Variants in PRELID3B observed in about 807,000 individuals in gnomAD.
PRELID3B encodes the protein PRELI domain containing 3B.
In PRELID3B, 15 loss-of-function variants were observed where a neutral mutation model predicts 24.0. The observed-to-expected ratio is 0.63, with a 90% CI of 0.42 to 0.96. The LOEUF (loss-of-function observed/expected upper bound fraction) is 0.96, where lower values mean the gene tolerates loss of function less well. PRELID3B is among the 40% of genes least tolerant of loss of function. The pLI, the probability that PRELID3B is intolerant of heterozygous loss-of-function variation, is 0.00. For missense variants in PRELID3B, 189 were observed against 236.0 expected (o/e 0.80, Z 1.30); for synonymous variants, 62 against 76.0 (o/e 0.82, Z 0.96).
At chr20:59,035,889 T>G (rs763453073) in intron 5 of PRELID3B, among the ~76,000 whole-genome samples, 5 of 152,200 alleles carry the variant, frequency 3.3e-5, no homozygotes, top group Non-Finnish European at 7.3e-5. Flanking sequence ...CCATGTGTTA[T>G]GTAACAGTGC....
chr20:59,034,810 A>G lies in PRELID3B; in HGVS notation c.*197T>C. 2.3e-6 allele frequency: 1 copy of G among 428,358 alleles called. No individual in the cohort carries two copies. The highest frequency in any genetic ancestry group is 3.5e-5 in the East Asian group (1 of 28,248). The allele number at this position is 428,358 out of a possible 1,614,324, so 26.5% of individuals were successfully genotyped here. ...CAAAATCAGATAGTAATTTCAAACA[A>G]CATTAATTTCAGATGATCCCTTTTA... On this transcript the variant is annotated 3_prime_UTR_variant, in exon 6 of 6. Coordinates refer to ENST00000355937, the MANE Select transcript of PRELID3B (RefSeq NM_016045.3).
chr20:59,034,909 A>AAAAAAAAC lies in PRELID3B; in HGVS notation c.*97_*98insGTTTTTTT. 3 of 1,087,008 alleles carry AAAAAAAAC rather than the reference A, an allele frequency of 2.8e-6. No individual in the cohort carries two copies. Among genetic ancestry groups the AAAAAAAAC allele is most frequent in the Non-Finnish European group, 2.4e-6 (2 of 823,642 alleles). 67.3% of individuals were successfully genotyped at this position (1,087,008 alleles called of 1,614,324 possible). A position where few individuals can be genotyped will look rare whatever the true frequency, so the allele number is the denominator to read the frequency against. ...ACTTATCAAAAAAAAAAAAAAAAAA[A>AAAAAAAAC]CTACCCAAAATATAGTTGTATTTTT... is the stretch of plus-strand genomic sequence containing the variant. On this transcript the variant is annotated 3_prime_UTR_variant, in exon 6 of 6. Transcript: ENST00000355937.
At chr20:59,038,937 G>A (rs375278219) in intron 1 of PRELID3B, among the ~76,000 whole-genome samples, 112 of 152,212 alleles carry the variant, frequency 7.4e-4, no homozygotes, top group South Asian at 1.4e-3. Flanking sequence ...ATTGTTTCTA[G>A]GAAGAACCAA....
Position 59,040,549 on chromosome 20 carries a change from C to T in PRELID3B, c.33-1915G>A, listed in dbSNP as rs2092103325. On this transcript the variant is annotated intron_variant, in intron 1 of 5. Coordinates refer to ENST00000355937, the MANE Select transcript of PRELID3B (RefSeq NM_016045.3). The surrounding 1 kb of genome is among the most constrained non-coding windows in gnomAD (Gnocchi z 4.1). ...TGAAGGAATCAATGAATGACTTCAC[C>T]TGGATGCCAACTATAGGCCTCAGAA... 6.6e-6 allele frequency among the ~76,000 whole-genome samples: 1 copy of T among 152,184 alleles called. No individual in the cohort carries two copies.
At position 59,037,155 on chromosome 20, in the gene PRELID3B, C is replaced by T. The variant is rs373828232; in HGVS notation, c.291+36G>A. 6 of 1,486,232 alleles carry T rather than the reference C, an allele frequency of 4.0e-6. No individual in the cohort carries two copies. In the African/African-American group the frequency reaches 8.3e-5, roughly 21 times the overall value. The allele number at this position is 1,486,232 out of a possible 1,614,324, so 92.1% of individuals were successfully genotyped here. A position where few individuals can be genotyped will look rare whatever the true frequency, so the allele number is the denominator to read the frequency against. On this transcript the variant is annotated intron_variant, in intron 3 of 5. Transcript: ENST00000355937. ...GAGAGGGACAAAGAACTCAGCCAGA[C>T]AGTTCGAAATGAAACAAAAGGGAGC...
At position 59,037,283 on chromosome 20, in the gene PRELID3B, A is replaced by G; in HGVS notation, c.202-3T>C. 1 of 1,607,398 alleles carries G rather than the reference A, an allele frequency of 6.2e-7. No individual in the cohort carries two copies. Among genetic ancestry groups the G allele is most frequent in the Non-Finnish European group, 8.5e-7 (1 of 1,174,014 alleles). On this transcript the variant is annotated splice_region_variant and splice_polypyrimidine_tract_variant and intron_variant, in intron 2 of 5. Transcript: ENST00000355937. ...TTCGTTCTTGCTGCACCAATAAGCT[A>G]AGTAAAACATTCAGAACTAGGAATC...
chr20:59,034,122 A>G lies in PRELID3B; in HGVS notation c.*885T>C, dbSNP rs1255289950. On this transcript the variant is annotated 3_prime_UTR_variant, in exon 6 of 6. Transcript: ENST00000355937. Reference sequence around the variant, plus strand: ...ATGTTTTGTGGTCACAATTACTTCAAAAAGTAATTATATTCAAATAACCTG... The same window carrying G: ...ATGTTTTGTGGTCACAATTACTTCAGAAAGTAATTATATTCAAATAACCTG... 1 of 152,248 alleles carries G rather than the reference A, an allele frequency of 6.6e-6. No homozygotes were observed. Among genetic ancestry groups the G allele is most frequent in the Non-Finnish European group, 1.5e-5 (1 of 68,048 alleles). 9.4% of individuals were successfully genotyped at this position (152,248 alleles called of 1,614,324 possible). A position where few individuals can be genotyped will look rare whatever the true frequency, so the allele number is the denominator to read the frequency against.
chr20:59,037,353 A>T lies in PRELID3B; in HGVS notation c.202-73T>A, dbSNP rs556023705. On this transcript the variant is annotated intron_variant, in intron 2 of 5. Transcript: ENST00000355937. ...ACCAAGTCTATCAATATTTTATTTG[A>T]AGGAAAAAATGTGTTACAATATTTT... 2.1e-4 allele frequency: 239 copies of T among 1,135,246 alleles called. 2 individuals carry two copies. In the South Asian group the frequency reaches 2.3e-3, roughly 11 times the overall value. 70.3% of individuals were successfully genotyped at this position (1,135,246 alleles called of 1,614,324 possible). A position where few individuals can be genotyped will look rare whatever the true frequency, so the allele number is the denominator to read the frequency against.
chr20:59,035,217 G>T, intron 5 of PRELID3B, 91 bp from the exon 6 acceptor site: 1 of 1,243,606 alleles, frequency 8.0e-7, no homozygotes, highest in South Asian at 1.7e-5. Context: ...CAAGGGGCGT[G>T]ACAAGTTTAA....
chr20:59,033,406 A>G lies in PRELID3B; in HGVS notation c.*1601T>C, dbSNP rs1302978323. ...AGGGCATTACACCTTTTTCAGAACA[A>G]GGATAATTTACAGAAATTATACAAA... On this transcript the variant is annotated 3_prime_UTR_variant, in exon 6 of 6. Coordinates refer to ENST00000355937, the MANE Select transcript of PRELID3B (RefSeq NM_016045.3). 6.6e-6 allele frequency: 1 copy of G among 152,262 alleles called. No homozygotes were observed. The highest frequency in any genetic ancestry group is 2.4e-5 in the African/African-American group (1 of 41,478). The allele number at this position is 152,262 out of a possible 1,614,324, so 9.4% of individuals were successfully genotyped here. A position where few individuals can be genotyped will look rare whatever the true frequency, so the allele number is the denominator to read the frequency against.
At position 59,034,845 on chromosome 20, in the gene PRELID3B, C is replaced by A; in HGVS notation, c.*162G>T. On this transcript the variant is annotated 3_prime_UTR_variant, in exon 6 of 6. Transcript: ENST00000355937. Reference sequence around the variant, plus strand: ...CAGATGATCCCTTTTATTTAGAGGCCCTGCATCTGTTTTGATCAAGTCACA... The same window carrying A: ...CAGATGATCCCTTTTATTTAGAGGCACTGCATCTGTTTTGATCAAGTCACA... The A allele has an allele frequency of 2.1e-6, 1 of 486,268 alleles. No individual in the cohort carries two copies. The allele number at this position is 486,268 out of a possible 1,614,324, so 30.1% of individuals were successfully genotyped here.
At position 59,042,769 on chromosome 20, in the gene PRELID3B, G is replaced by GGACAAC; in HGVS notation, c.-45_-40dup. On this transcript the variant is annotated 5_prime_UTR_variant, in exon 1 of 6. Transcript: ENST00000355937. Reference sequence around the variant, plus strand: ...TGAGAGATGTCCGGGTAGCGCCAGGGGACAACGAGGCACAGAGGCTACACC... The same window carrying GGACAAC: ...TGAGAGATGTCCGGGTAGCGCCAGGGGACAACGACAACGAGGCACAGAGGCTACACC... The GGACAAC allele has an allele frequency of 6.3e-7, 1 of 1,587,690 alleles. No homozygotes were observed. Among genetic ancestry groups the GGACAAC allele is most frequent in the Non-Finnish European group, 8.6e-7 (1 of 1,167,800 alleles).
chr20:59,040,881 C>T lies in PRELID3B; in HGVS notation c.32+1818G>A, dbSNP rs187683757. On this transcript the variant is annotated intron_variant, in intron 1 of 5. Transcript: ENST00000355937. This position sits in a 1 kb window ranked among gnomAD's most constrained non-coding sequence, Gnocchi z 4.1. The stretch of plus-strand genomic sequence containing the variant: ...GCTCAGATTATGTGGGGAGAAAGCA[C>T]GGATCAGGGCTGCTTCTCCCAGGAC... Among the ~76,000 whole-genome samples, 9 of 152,026 alleles carry T rather than the reference C, an allele frequency of 5.9e-5. No individual in the cohort carries two copies. Among genetic ancestry groups the T allele is most frequent in the Middle Eastern group, 3.4e-3 (1 of 294 alleles).
chr20:59,034,908 AACT>A lies in PRELID3B; in HGVS notation c.*96_*98del. On this transcript the variant is annotated 3_prime_UTR_variant, in exon 6 of 6. Transcript: ENST00000355937. ...AACTTATCAAAAAAAAAAAAAAAAA[AACT>A]ACCCAAAATATAGTTGTATTTTTAA... 8.8e-7 allele frequency: 1 copy of A among 1,134,838 alleles called. No homozygotes were observed. The highest frequency in any genetic ancestry group is 1.2e-6 in the Non-Finnish European group (1 of 864,210). The allele number at this position is 1,134,838 out of a possible 1,614,324, so 70.3% of individuals were successfully genotyped here. A position where few individuals can be genotyped will look rare whatever the true frequency, so the allele number is the denominator to read the frequency against.
At position 59,033,293 on chromosome 20, in the gene PRELID3B, GTAAC is replaced by G. The variant is rs907298225; in HGVS notation, c.*1710_*1713del. On this transcript the variant is annotated 3_prime_UTR_variant, in exon 6 of 6. Coordinates refer to ENST00000355937, the MANE Select transcript of PRELID3B (RefSeq NM_016045.3). ...TTGTTGTGCATTTATGTTTAAAAAG[GTAAC>G]TAACTGCACTGGAAAATGAAAATTT... 14 of 152,036 alleles carry G rather than the reference GTAAC, an allele frequency of 9.2e-5. No individual in the cohort carries two copies. The highest frequency in any genetic ancestry group is 3.4e-4 in the African/African-American group (14 of 41,398). 9.4% of individuals were successfully genotyped at this position (152,036 alleles called of 1,614,324 possible).
rs2092056574 is a variant in PRELID3B at position 59,034,600 on chromosome 20, G to T, written c.*407C>A. The T allele has an allele frequency of 6.3e-6, 1 of 157,580 alleles. No homozygotes were observed. The highest frequency in any genetic ancestry group is 6.4e-5 in the Admixed American group (1 of 15,534). 9.8% of individuals were successfully genotyped at this position (157,580 alleles called of 1,614,324 possible). A position where few individuals can be genotyped will look rare whatever the true frequency, so the allele number is the denominator to read the frequency against. On this transcript the variant is annotated 3_prime_UTR_variant, in exon 6 of 6. Coordinates refer to ENST00000355937, the MANE Select transcript of PRELID3B (RefSeq NM_016045.3). ...AGTGAGCTCCCTTGTGCAAGCTGCT[G>T]AAGTGTACAGCAGCAGGGCAATGGG...
In PRELID3B at chr20:59,034,890, C is replaced by CAAAA. The variant is rs34173406; in HGVS notation, c.*113_*116dup. On this transcript the variant is annotated 3_prime_UTR_variant, in exon 6 of 6. Transcript: ENST00000355937. ...GTCACATAGCCTTACACCAACTTAT[C>CAAAA]AAAAAAAAAAAAAAAAAAACTACCC... is the stretch of plus-strand genomic sequence containing the variant. The CAAAA allele has an allele frequency of 2.2e-3, 1,486 of 666,118 alleles. No homozygotes were observed. The highest frequency in any genetic ancestry group is 8.1e-3 in the East Asian group (211 of 26,030). 41.3% of individuals were successfully genotyped at this position (666,118 alleles called of 1,614,324 possible). A position where few individuals can be genotyped will look rare whatever the true frequency, so the allele number is the denominator to read the frequency against.
Position 59,034,902 on chromosome 20 carries a change from A to AC in PRELID3B, c.*104_*105insG. On this transcript the variant is annotated 3_prime_UTR_variant, in exon 6 of 6. Coordinates refer to ENST00000355937, the MANE Select transcript of PRELID3B (RefSeq NM_016045.3). The stretch of plus-strand genomic sequence containing the variant: ...TACACCAACTTATCAAAAAAAAAAA[A>AC]AAAAAAACTACCCAAAATATAGTTG... 2.6e-6 allele frequency: 3 copies of AC among 1,152,792 alleles called. No individual in the cohort carries two copies. Among genetic ancestry groups the AC allele is most frequent in the Non-Finnish European group, 3.4e-6 (3 of 877,394 alleles). The allele number at this position is 1,152,792 out of a possible 1,614,324, so 71.4% of individuals were successfully genotyped here. A position where few individuals can be genotyped will look rare whatever the true frequency, so the allele number is the denominator to read the frequency against.
intron 5 of PRELID3B, among the ~76,000 whole-genome samples, chr20:59,035,974 GA>G (rs1302674605): frequency 6.6e-6 from 1 of 151,950 alleles, no homozygotes; most frequent in Non-Finnish European, 1.5e-5. Flanking sequence ...TGGGGGGATG[GA>G]AAAAATCTCC....
Sources: gnomAD v4.1 joint callset for allele counts (sites outside exome capture counted in the v4.1 genomes callset) on GRCh38, gnomAD v4.1.1 for gene constraint, Gnocchi (gnomAD v3.1) non-coding constraint, MANE v1.5 for transcripts, NCBI Gene and HGNC (gene_info 2026-07-23, HGNC 2026-07-21) for gene names.